Variants in PIK3C2G observed in about 807,000 individuals in gnomAD.
PIK3C2G encodes the protein phosphatidylinositol 3-kinase C2 domain-containing subunit gamma.
PIK3C2G carries 168 observed loss-of-function variants against 181.1 expected under a neutral mutation model. That is an observed-to-expected ratio of 0.93 (90% CI 0.82 to 1.05). PIK3C2G has a LOEUF of 1.05. Ranked by LOEUF, PIK3C2G falls within the 50% of genes least tolerant of loss-of-function variation. PIK3C2G has a pLI of 0.00. For synonymous variants in PIK3C2G, 573 were observed against 592.2 expected, an observed-to-expected ratio of 0.97 and a Z score of 0.47; for missense variants, 1,869 against 1,732.8, an observed-to-expected ratio of 1.08 and a Z score of -1.40.
chr12:18,664,651 T>C, the PIK3C2G span, among the ~76,000 whole-genome samples: 5 of 151,988 alleles, frequency 3.3e-5, no homozygotes, highest in Non-Finnish European at 7.4e-5. Flanking sequence ...GCCATCCCAT[T>C]ATTGGGTATA....
chr12:18,528,274 T>C (rs1943355153), intron 24 of PIK3C2G, among the ~76,000 whole-genome samples: 1 of 152,174 alleles, frequency 6.6e-6, no homozygotes, highest in Admixed American at 6.6e-5. Flanking sequence ...TCAAGAACAG[T>C]ATAAGCTTAA....
chr12:18,436,857 G>A (rs1287862880), intron 18 of PIK3C2G, among the ~76,000 whole-genome samples: 1 of 151,992 alleles, frequency 6.6e-6, no homozygotes, highest in Non-Finnish European at 1.5e-5. Flanking sequence ...TTCATAGTGT[G>A]AGTTGTTTTG....
At chr12:18,515,619 C>G (rs1425832105) in intron 24 of PIK3C2G, among the ~76,000 whole-genome samples, 1 of 151,762 alleles carries the variant, frequency 6.6e-6, no homozygotes, top group African/African-American at 2.4e-5. Flanking sequence ...TTTTCTTAGT[C>G]TAGCTAAATG....
chr12:18,253,848 A>AT (rs1277307143), intron 1 of PIK3C2G, among the ~76,000 whole-genome samples: 6 of 113,088 alleles, frequency 5.3e-5, no homozygotes, highest in South Asian at 3.2e-4. Flanking sequence ...GGTGGCTTCA[A>AT]TTATTTTTTT....
intron 28 of PIK3C2G, among the ~76,000 whole-genome samples, chr12:18,565,031 T>C (rs1374051179): frequency 1.3e-5 from 2 of 152,174 alleles, no homozygotes; most frequent in African/African-American, 2.4e-5. Flanking sequence ...GGTTCTTACA[T>C]TGATTTTCAA....
intron 18 of PIK3C2G, among the ~76,000 whole-genome samples, chr12:18,461,678 G>T (rs1947926670): frequency 6.6e-6 from 1 of 152,152 alleles, no homozygotes; most frequent in African/African-American, 2.4e-5. Context: ...TATAAAAGAA[G>T]CTCCAGAAAG....
the PIK3C2G span, among the ~76,000 whole-genome samples, chr12:18,660,086 C>G: frequency 6.6e-6 from 1 of 152,120 alleles, no homozygotes; most frequent in Non-Finnish European, 1.5e-5. Context: ...CATAATCTGT[C>G]TGAGGTAAAT....
At chr12:18,562,980 G>A (rs907669063) in intron 27 of PIK3C2G, 88 bp downstream of exon 27, 1 of 846,886 alleles carries the variant, frequency 1.2e-6, no homozygotes, top group South Asian at 1.8e-5. Context: ...CTTTCTTATA[G>A]CATAATTTTT....
At chr12:18,251,120 T>C (rs900570583) in intron 1 of PIK3C2G, among the ~76,000 whole-genome samples, 3 of 152,026 alleles carry the variant, frequency 2.0e-5, no homozygotes, top group Non-Finnish European at 2.9e-5. Flanking sequence ...TGTAGCATTA[T>C]ATGTAATAAA....
chr12:18,579,549 G>GTC lies in PIK3C2G; in HGVS notation c.4011+12509_4011+12510dup, dbSNP rs144472483. Among the ~76,000 whole-genome samples, 101 of 150,454 alleles carry GTC rather than the reference G, an allele frequency of 6.7e-4. 1 individual carries two copies. The highest frequency in any genetic ancestry group is 2.2e-3 in the African/African-American group (89 of 41,076). Reference sequence around the variant, plus strand: ...GATCTCTCTGTCTGTTCCTCTGTCTGTCTCTCTCTCTCTCTCTCCCACACA... The same window carrying GTC: ...GATCTCTCTGTCTGTTCCTCTGTCTGTCTCTCTCTCTCTCTCTCTCCCACACA... On this transcript the variant is annotated intron_variant, in intron 29 of 32. Transcript: ENST00000538779.
chr12:18,371,319 T>C lies in PIK3C2G; in HGVS notation c.1880+8T>C. 6.2e-7 allele frequency: 1 copy of C among 1,600,024 alleles called. No individual in the cohort carries two copies. Among genetic ancestry groups the C allele is most frequent in the Non-Finnish European group, 8.5e-7 (1 of 1,173,780 alleles). ...TCCACTGTTTCCAAAAGAGTAAGTG[T>C]ATCAATTGTGAGTAATAAGCCTATC... On this transcript the variant is annotated splice_region_variant and intron_variant, in intron 13 of 32. Transcript: ENST00000538779.
rs1359119566 is a variant in PIK3C2G at position 18,412,414 on chromosome 12, T to C, written c.2316-8527T>C. Among the ~76,000 whole-genome samples the C allele has an allele frequency of 5.3e-5, 8 of 152,218 alleles. No homozygotes were observed. In the East Asian group the frequency reaches 1.5e-3, roughly 29 times the overall value. On this transcript the variant is annotated intron_variant, in intron 16 of 32. Transcript: ENST00000538779. The stretch of plus-strand genomic sequence containing the variant: ...TTTGTCACACTCATTTGCTCATGAC[T>C]GTAGGGTGGGGTTTTCCAGGGGCCA...
intron 20 of PIK3C2G, among the ~76,000 whole-genome samples, chr12:18,495,392 G>A (rs1055260741): frequency 6.6e-6 from 1 of 152,048 alleles, no homozygotes; most frequent in African/African-American, 2.4e-5. Flanking sequence ...TACTGGAAAT[G>A]AGAAGACAAA....
intron 18 of PIK3C2G, among the ~76,000 whole-genome samples, chr12:18,473,764 C>T (rs1442546265): frequency 6.6e-6 from 1 of 152,082 alleles, no homozygotes; most frequent in East Asian, 1.9e-4. Flanking sequence ...ATTTTTATTA[C>T]AGTAGTTGTT....
chr12:18,668,286 C>A, the PIK3C2G span, among the ~76,000 whole-genome samples: 733 of 152,318 alleles, frequency 4.8e-3, 9 homozygotes, highest in African/African-American at 0.016. Context: ...TTTACATGAA[C>A]CTTCCCTACG....
rs1295305178 is a variant in PIK3C2G at position 18,483,645 on chromosome 12, GT to G, written c.2505-4803del. ...TCCAGATGACTTTTGTTTATTTTCA[GT>G]AATTAGATTTGCCCCAAAATATCCT... On this transcript the variant is annotated intron_variant, in intron 18 of 32. Transcript: ENST00000538779. Among the ~76,000 whole-genome samples, 6 of 151,370 alleles carry G rather than the reference GT, an allele frequency of 4.0e-5. No individual in the cohort carries two copies. The East Asian group carries it at 1.2e-3, about 29-fold the overall frequency.
intron 14 of PIK3C2G, among the ~76,000 whole-genome samples, chr12:18,390,400 GA>G (rs758188891): frequency 6.6e-6 from 1 of 152,000 alleles, no homozygotes; most frequent in African/African-American, 2.4e-5. Flanking sequence ...TGGAGCCCTA[GA>G]ATATCCAGCT....
At chr12:18,664,202 G>A in the PIK3C2G span, among the ~76,000 whole-genome samples, 1 of 152,170 alleles carries the variant, frequency 6.6e-6, no homozygotes, top group African/African-American at 2.4e-5. Flanking sequence ...GCCACTGTGG[G>A]ACACAGTTTG....
chr12:18,562,555 A>G (rs1592590825), intron 26 of PIK3C2G, 148 bp from the exon 27 acceptor site: 1 of 572,688 alleles, frequency 1.7e-6, no homozygotes, highest in East Asian at 2.8e-5. Flanking sequence ...GTTTATACAA[A>G]TAACGTTTAA....
Sources: allele counts gnomAD v4.1 joint callset (sites outside exome capture counted in the v4.1 genomes callset), GRCh38; gene constraint gnomAD v4.1.1; transcripts MANE v1.5; gene names NCBI Gene and HGNC (gene_info 2026-07-23, HGNC 2026-07-21).